PPFIA2: variants seen among roughly 807,000 people sequenced by gnomAD.
The protein encoded by PPFIA2 is liprin-alpha-2.
In PPFIA2, 46 loss-of-function variants were observed where a neutral mutation model predicts 175.5. The observed-to-expected ratio is 0.26, with a 90% confidence interval of 0.21 to 0.34. PPFIA2 has a LOEUF of 0.34. Ranked by LOEUF, PPFIA2 falls within the 10% of genes least tolerant of loss-of-function variation. PPFIA2 has a pLI of 1.00. For synonymous variants in PPFIA2, 568 were observed against 511.4 expected (o/e 1.11, Z -1.49); for missense variants, 1,179 against 1,506.1 (o/e 0.78, Z 3.60).
chr12:81,268,678 T>G (rs1031142037), intron 28 of PPFIA2, among the ~76,000 whole-genome samples: 19 of 152,238 alleles, frequency 1.2e-4, no homozygotes, highest in South Asian at 2.1e-4. Flanking sequence ...TGTTTCTTGT[T>G]TTCATACTAG....
At chr12:81,622,929 A>G (rs575548776) in intron 4 of PPFIA2, among the ~76,000 whole-genome samples, 1 of 152,280 alleles carries the variant, frequency 6.6e-6, no homozygotes, top group South Asian at 2.1e-4. Flanking sequence ...CCAGAAGAAA[A>G]TTAAACTGAT....
Position 81,322,644 on chromosome 12 carries a change from A to T in PPFIA2, c.2642+3133T>A, listed in dbSNP as rs192373650. ...CCTGCTGGAGAAATTTATGGAATTG[A>T]TGCTTTAAAGAAAAGTACAGCAAAG... On this transcript the variant is annotated intron_variant, in intron 22 of 32. Coordinates refer to ENST00000549396, the MANE Select transcript of PPFIA2 (RefSeq NM_003625.5). Among the ~76,000 whole-genome samples the T allele has an allele frequency of 2.4e-4, 36 of 152,314 alleles. No homozygotes were observed. In the East Asian group the frequency reaches 6.7e-3, roughly 29 times the overall value.
chr12:81,744,590 T>A (rs1022495128), intron 3 of PPFIA2, among the ~76,000 whole-genome samples: 7 of 151,840 alleles, frequency 4.6e-5, no homozygotes, highest in Non-Finnish European at 7.4e-5. Context: ...GCCCCGCTAA[T>A]TTTTTTTGTA....
chr12:81,266,325 A>T (rs997447986), intron 30 of PPFIA2, among the ~76,000 whole-genome samples: 3 of 152,180 alleles, frequency 2.0e-5, no homozygotes, highest in African/African-American at 7.2e-5. Flanking sequence ...AGTCCACAGC[A>T]TTTGCTGATA....
intron 3 of PPFIA2, among the ~76,000 whole-genome samples, chr12:81,700,642 GT>G (rs2076380674): frequency 6.6e-6 from 1 of 152,006 alleles, no homozygotes; most frequent in African/African-American, 2.4e-5. Flanking sequence ...TGTGCACTAT[GT>G]CTGAATTTAT....
chr12:81,457,016 A>AT lies in PPFIA2; in HGVS notation c.405+748dup, dbSNP rs201521272. Among the ~76,000 whole-genome samples, 75 of 143,098 alleles carry AT rather than the reference A, an allele frequency of 5.2e-4. 2 individuals are homozygous for AT. In the East Asian group the frequency reaches 0.015, roughly 28 times the overall value. The allele number at this position is 143,098 out of a possible 152,430, so 93.9% of individuals were successfully genotyped here. The stretch of plus-strand genomic sequence containing the variant: ...CCTTTTTATTTTATTTATTATTATT[A>AT]TTTTTTTGAGACAGAGTCTCACTCT... On this transcript the variant is annotated intron_variant, in intron 5 of 32. Transcript: ENST00000549396.
chr12:81,648,313 C>A (rs745467196), intron 4 of PPFIA2, among the ~76,000 whole-genome samples: 2 of 151,666 alleles, frequency 1.3e-5, no homozygotes, highest in Admixed American at 1.3e-4. Flanking sequence ...AAATGAAACA[C>A]AACAAAGTAT....
intron 4 of PPFIA2, among the ~76,000 whole-genome samples, chr12:81,511,426 A>C (rs895273042): frequency 6.6e-6 from 1 of 152,132 alleles, no homozygotes; most frequent in Admixed American, 6.6e-5. Context: ...AATAATATCC[A>C]TAGGTAAAAT....
intron 4 of PPFIA2, among the ~76,000 whole-genome samples, chr12:81,562,021 A>T (rs781666140): frequency 1.3e-4 from 20 of 152,232 alleles, no homozygotes; most frequent in Non-Finnish European, 2.4e-4. Context: ...AACAGGTATC[A>T]TCAAAGATAA....
chr12:81,642,041 G>C (rs933484945), intron 4 of PPFIA2, among the ~76,000 whole-genome samples: 1 of 151,902 alleles, frequency 6.6e-6, no homozygotes, highest in African/African-American at 2.4e-5. Context: ...GTTATCCAAG[G>C]CTTGCAGTAT....
intron 3 of PPFIA2, among the ~76,000 whole-genome samples, chr12:81,696,842 C>T (rs1409538890): frequency 1.3e-5 from 2 of 151,760 alleles, no homozygotes; most frequent in Admixed American, 6.6e-5. Context: ...TTAGTCTTGA[C>T]CTATATGATC....
intron 4 of PPFIA2, among the ~76,000 whole-genome samples, chr12:81,641,637 T>C (rs1361182896): frequency 1.3e-5 from 2 of 152,248 alleles, no homozygotes; most frequent in East Asian, 3.9e-4. Flanking sequence ...TCGTCTCAGC[T>C]GAACCATTTT....
chr12:81,382,912 C>A (rs912284123), intron 9 of PPFIA2, among the ~76,000 whole-genome samples: 6 of 152,018 alleles, frequency 3.9e-5, no homozygotes, highest in Non-Finnish European at 8.8e-5. Context: ...AGGGAAGACA[C>A]TCCAAGGTCG....
chr12:81,355,308 A>C (rs2060714182), intron 16 of PPFIA2, among the ~76,000 whole-genome samples: 1 of 152,208 alleles, frequency 6.6e-6, no homozygotes, highest in South Asian at 2.1e-4. Context: ...AATATTCAGT[A>C]AACCATGCTG....
At chr12:81,295,328 C>G (rs540645851) in intron 23 of PPFIA2, among the ~76,000 whole-genome samples, 4 of 152,170 alleles carry the variant, frequency 2.6e-5, no homozygotes, top group South Asian at 4.1e-4. Flanking sequence ...CTGCATGGCA[C>G]CAAGTTCCCC....
At chr12:81,356,540 G>C (rs963235974) in intron 16 of PPFIA2, among the ~76,000 whole-genome samples, 2 of 151,930 alleles carry the variant, frequency 1.3e-5, no homozygotes, top group Non-Finnish European at 1.5e-5. Flanking sequence ...GTGCCCGCTT[G>C]TGGTCCCAGC....
At position 81,444,557 on chromosome 12, in the gene PPFIA2, A is replaced by G. The variant is rs185413650; in HGVS notation, c.570+999T>C. The stretch of plus-strand genomic sequence containing the variant: ...TATACTAATTGCCTCTCGTTGCTAA[A>G]ATAAAAATGAGATACAATTTCTTCT... On this transcript the variant is annotated intron_variant, in intron 6 of 32. Transcript: ENST00000549396. 5.3e-4 allele frequency among the ~76,000 whole-genome samples: 81 copies of G among 152,248 alleles called. 1 individual carries two copies. The highest frequency in any genetic ancestry group is 1.9e-3 in the African/African-American group (80 of 41,574).
chr12:81,305,195 G>T (rs2048850864), intron 22 of PPFIA2, among the ~76,000 whole-genome samples: 1 of 152,008 alleles, frequency 6.6e-6, no homozygotes, highest in Admixed American at 6.5e-5. Flanking sequence ...ATTATAAATT[G>T]ATCTCAATTT....
At chr12:81,517,781 C>T (rs74360088) in intron 4 of PPFIA2, among the ~76,000 whole-genome samples, 2 of 152,268 alleles carry the variant, frequency 1.3e-5, no homozygotes, top group East Asian at 3.9e-4. Context: ...CTCTTAGTTA[C>T]CTGATGCAGC....
Sources: gnomAD v4.1 joint callset for allele counts (sites outside exome capture counted in the v4.1 genomes callset) on GRCh38, gnomAD v4.1.1 for gene constraint, MANE v1.5 for transcripts, NCBI Gene and HGNC (gene_info 2026-07-23, HGNC 2026-07-21) for gene names.